The following ZNF892 variants were observed in gnomAD, a reference collection of about 807,000 sequenced individuals.
The protein encoded by ZNF892 is zinc finger protein 892.
chr2:95,213,332 T>C, the ZNF892 span, among the ~76,000 whole-genome samples: 1 of 152,228 alleles, frequency 6.6e-6, no homozygotes, highest in Non-Finnish European at 1.5e-5. Flanking sequence ...TCCCAGGCAC[T>C]TCCCTGAATA....
chr2:95,236,253 A>G, the ZNF892 span, among the ~76,000 whole-genome samples: 1 of 152,272 alleles, frequency 6.6e-6, no homozygotes. Context: ...CATAAAAATA[A>G]GAATACTCAA....
chr2:95,224,725 C>T, the ZNF892 span, among the ~76,000 whole-genome samples: 1 of 152,176 alleles, frequency 6.6e-6, no homozygotes, highest in Non-Finnish European at 1.5e-5. Flanking sequence ...CAGAATGTGT[C>T]CCCTAAAGTT....
chr2:95,252,281 C>T, the ZNF892 span, among the ~76,000 whole-genome samples: 261 of 148,908 alleles, frequency 1.8e-3, no homozygotes, highest in Non-Finnish European at 2.9e-3. Flanking sequence ...TTCCCTTTCC[C>T]GTGTCCATGT....
chr2:95,226,881 T>G, the ZNF892 span, among the ~76,000 whole-genome samples: 1 of 152,180 alleles, frequency 6.6e-6, no homozygotes, highest in African/African-American at 2.4e-5. Flanking sequence ...ACTGCCCTGT[T>G]CATGCCCAGG....
At chr2:95,227,959 A>T in the ZNF892 span, among the ~76,000 whole-genome samples, 1 of 152,212 alleles carries the variant, frequency 6.6e-6, no homozygotes, top group Non-Finnish European at 1.5e-5. Context: ...TCTAACTCTG[A>T]TGCAAGATTA....
the ZNF892 span, among the ~76,000 whole-genome samples, chr2:95,216,722 T>G: frequency 2.6e-5 from 4 of 152,210 alleles, no homozygotes; most frequent in South Asian, 6.2e-4. Context: ...TGGTGTGAAT[T>G]TCTTTTAGTT....
At chr2:95,215,345 AAC>A in the ZNF892 span, 1 of 463,762 alleles carries the variant, frequency 2.2e-6, no homozygotes, top group Non-Finnish European at 3.9e-6. Flanking sequence ...GTCATCAGAG[AAC>A]ACACACTGGA....
the ZNF892 span, among the ~76,000 whole-genome samples, chr2:95,258,212 C>T: frequency 9.2e-5 from 14 of 152,298 alleles, no homozygotes; most frequent in East Asian, 2.7e-3. Context: ...CTTGGCTCCA[C>T]TCGAGGCAAA....
chr2:95,245,174 C>G, the ZNF892 span, among the ~76,000 whole-genome samples: 1 of 151,696 alleles, frequency 6.6e-6, no homozygotes, highest in Admixed American at 6.6e-5. Flanking sequence ...AAGAAATAAC[C>G]AAGCTCAGAG....
the ZNF892 span, among the ~76,000 whole-genome samples, chr2:95,226,407 C>T: frequency 6.6e-6 from 1 of 152,228 alleles, no homozygotes; most frequent in African/African-American, 2.4e-5. Flanking sequence ...ATTTTTGCCT[C>T]AGTTCCTGAA....
chr2:95,241,599 G>A, the ZNF892 span, among the ~76,000 whole-genome samples: 1 of 152,120 alleles, frequency 6.6e-6, no homozygotes, highest in Non-Finnish European at 1.5e-5. Flanking sequence ...TCCTCCAAAT[G>A]ACCACAACAC....
the ZNF892 span, chr2:95,215,364 C>A: frequency 4.4e-6 from 2 of 459,296 alleles, no homozygotes; most frequent in Non-Finnish European, 7.8e-6. Flanking sequence ...TGGAGAGAAA[C>A]CTTACAAATG....
chr2:95,238,853 C>A, the ZNF892 span, among the ~76,000 whole-genome samples: 1 of 152,072 alleles, frequency 6.6e-6, no homozygotes, highest in Non-Finnish European at 1.5e-5. Context: ...AGAAGTGGAG[C>A]CTGGGCCAGG....
the ZNF892 span, chr2:95,207,691 C>A: frequency 2.5e-6 from 1 of 397,340 alleles, no homozygotes; most frequent in East Asian, 3.6e-5. Flanking sequence ...CGGGAGGACC[C>A]CCGGGTGGGG....
the ZNF892 span, among the ~76,000 whole-genome samples, chr2:95,261,219 G>A: frequency 6.6e-6 from 1 of 152,196 alleles, no homozygotes; most frequent in South Asian, 2.1e-4. Flanking sequence ...CAGGAGGAAC[G>A]TGATGACTGA....
the ZNF892 span, among the ~76,000 whole-genome samples, chr2:95,234,868 C>A: frequency 6.6e-6 from 1 of 152,242 alleles, no homozygotes; most frequent in African/African-American, 2.4e-5. Flanking sequence ...GAGCAGCTCA[C>A]AGGACTCAGG....
chr2:95,208,441 T>A, the ZNF892 span, among the ~76,000 whole-genome samples: 2 of 152,208 alleles, frequency 1.3e-5, no homozygotes, highest in African/African-American at 4.8e-5. Flanking sequence ...CAGATGCTCA[T>A]AGGAGTTCTA....
At chr2:95,226,183 G>T in the ZNF892 span, among the ~76,000 whole-genome samples, 5 of 152,160 alleles carry the variant, frequency 3.3e-5, no homozygotes, top group Non-Finnish European at 7.4e-5. Context: ...ACAAGCCTCT[G>T]CCCCAGGCTG....
At chr2:95,211,634 A>T in the ZNF892 span, 13 of 398,460 alleles carry the variant, frequency 3.3e-5, no homozygotes, top group Non-Finnish European at 5.8e-5. Flanking sequence ...ATGATCAGGG[A>T]TATGGCCGAG....
Sources: gnomAD v4.1 joint callset for allele counts (sites outside exome capture counted in the v4.1 genomes callset) on GRCh38, gnomAD v4.1.1 for gene constraint, MANE v1.5 for transcripts, NCBI Gene and HGNC (gene_info 2026-07-23, HGNC 2026-07-21) for gene names.